MRPS28: variants seen among roughly 807,000 people sequenced by gnomAD.
The protein encoded by MRPS28 is small ribosomal subunit protein bS1m.
In MRPS28, 7 loss-of-function variants were observed where a neutral mutation model predicts 10.8. That is an observed-to-expected ratio of 0.65 (90% CI 0.37 to 1.22). The LOEUF (loss-of-function observed/expected upper bound fraction) is 1.22, where lower values mean the gene tolerates loss of function less well. Ranked by LOEUF, MRPS28 falls within the 50% of genes most tolerant of loss-of-function variation. The pLI is 0.02. For synonymous variants in MRPS28, 121 were observed against 93.3 expected, an observed-to-expected ratio of 1.30 and a Z score of -1.71; for missense variants, 265 against 232.9, an observed-to-expected ratio of 1.14 and a Z score of -0.90.
chr8:79,976,550 C>CA (rs767687416), intron 2 of MRPS28, among the ~76,000 whole-genome samples: 11 of 151,826 alleles, frequency 7.2e-5, no homozygotes, highest in Middle Eastern at 3.2e-3. Context: ...ACTAAAAATA[C>CA]AAAAAATTAG....
At chr8:79,960,865 G>A (rs1037471085) in intron 2 of MRPS28, among the ~76,000 whole-genome samples, 1 of 152,004 alleles carries the variant, frequency 6.6e-6, no homozygotes, top group Non-Finnish European at 1.5e-5. Flanking sequence ...TTAAGATTTA[G>A]GTGCTTTATC....
intron 2 of MRPS28, among the ~76,000 whole-genome samples, chr8:79,985,741 C>A (rs1229682257): frequency 6.6e-6 from 1 of 152,236 alleles, no homozygotes; most frequent in Non-Finnish European, 1.5e-5. Context: ...AGTTGACTCT[C>A]TGAATAGACC....
intron 1 of MRPS28, among the ~76,000 whole-genome samples, chr8:80,013,359 G>A (rs1687224658): frequency 6.6e-6 from 1 of 151,978 alleles, no homozygotes; most frequent in African/African-American, 2.4e-5. Flanking sequence ...AAAACAGCTG[G>A]GTGCAGTGGC....
intron 2 of MRPS28, among the ~76,000 whole-genome samples, chr8:79,979,010 T>C (rs991800682): frequency 5.9e-5 from 9 of 152,328 alleles, no homozygotes; most frequent in Non-Finnish European, 1.0e-4. Context: ...TGTGTTGTTT[T>C]GTATCTTTAG....
At chr8:79,996,448 C>A in intron 2 of MRPS28, among the ~76,000 whole-genome samples, 1 of 152,190 alleles carries the variant, frequency 6.6e-6, no homozygotes, top group Non-Finnish European at 1.5e-5. Context: ...AAACTTCTTT[C>A]TCATAGTTCT....
chr8:80,004,867 A>G (rs560380704), intron 1 of MRPS28, among the ~76,000 whole-genome samples: 1 of 152,366 alleles, frequency 6.6e-6, no homozygotes, highest in South Asian at 2.1e-4. Flanking sequence ...GATTCGATCA[A>G]CCGGAAGAAA....
chr8:79,939,713 G>A (rs894860559), intron 2 of MRPS28, among the ~76,000 whole-genome samples: 6 of 152,108 alleles, frequency 3.9e-5, no homozygotes, highest in African/African-American at 1.4e-4. Flanking sequence ...GCTCACACCT[G>A]TAATCCCAGC....
chr8:80,015,468 C>T (rs1809170021), intron 1 of MRPS28, among the ~76,000 whole-genome samples: 2 of 152,282 alleles, frequency 1.3e-5, no homozygotes, highest in Admixed American at 6.5e-5. Context: ...GAGGGAAACA[C>T]TGAGAAGCAA....
At chr8:79,996,058 A>G (rs369524872) in intron 2 of MRPS28, among the ~76,000 whole-genome samples, 2 of 152,196 alleles carry the variant, frequency 1.3e-5, no homozygotes, top group Admixed American at 1.3e-4. Flanking sequence ...TGGGTCATCA[A>G]AAGCAAAAAC....
chr8:79,955,308 C>T (rs898120185), intron 2 of MRPS28, among the ~76,000 whole-genome samples: 5 of 152,230 alleles, frequency 3.3e-5, no homozygotes, highest in Middle Eastern at 6.8e-3. Flanking sequence ...TTTAACTTCT[C>T]GAATTTTAGG....
intron 2 of MRPS28, among the ~76,000 whole-genome samples, chr8:79,963,624 C>T (rs1181555338): frequency 6.6e-6 from 1 of 152,134 alleles, no homozygotes; most frequent in Non-Finnish European, 1.5e-5. Context: ...TAGGCCTTGC[C>T]TCAAACAGCA....
intron 1 of MRPS28, among the ~76,000 whole-genome samples, chr8:80,017,508 G>T (rs1809227217): frequency 6.6e-6 from 1 of 152,102 alleles, no homozygotes; most frequent in African/African-American, 2.4e-5. Flanking sequence ...TAAATTAAAT[G>T]GATTAATTCC....
At chr8:79,942,309 G>A (rs2129936291) in intron 2 of MRPS28, among the ~76,000 whole-genome samples, 1 of 152,142 alleles carries the variant, frequency 6.6e-6, no homozygotes, top group African/African-American at 2.4e-5. Flanking sequence ...AGTACTTTGG[G>A]GTGAAAATAA....
chr8:79,928,414 T>C (rs983856005), intron 2 of MRPS28, among the ~76,000 whole-genome samples: 1 of 152,010 alleles, frequency 6.6e-6, no homozygotes, highest in East Asian at 1.9e-4. Context: ...TGTTTGATAT[T>C]TGCCCTTTGC....
chr8:79,929,351 C>T (rs1806397980), intron 2 of MRPS28, among the ~76,000 whole-genome samples: 1 of 152,116 alleles, frequency 6.6e-6, no homozygotes, highest in Non-Finnish European at 1.5e-5. Flanking sequence ...ATCTCAATCT[C>T]CTTTCACTTT....
At chr8:80,026,200 T>A (rs1809490152) in intron 1 of MRPS28, among the ~76,000 whole-genome samples, 1 of 152,206 alleles carries the variant, frequency 6.6e-6, no homozygotes, top group East Asian at 1.9e-4. Flanking sequence ...GTCCAGTAAG[T>A]TCAAAAGAGG....
intron 1 of MRPS28, among the ~76,000 whole-genome samples, chr8:80,024,245 T>C (rs1183830872): frequency 6.6e-6 from 1 of 151,656 alleles, no homozygotes; most frequent in Non-Finnish European, 1.5e-5. Flanking sequence ...AAAAAAAGAT[T>C]TGGTTGCTAC....
chr8:79,987,847 T>C (rs1168134488), intron 2 of MRPS28, among the ~76,000 whole-genome samples: 1 of 152,188 alleles, frequency 6.6e-6, no homozygotes, highest in African/African-American at 2.4e-5. Flanking sequence ...GTTTAACCAT[T>C]GTGGAAGTCA....
chr8:80,001,256 T>C (rs1344695032), intron 2 of MRPS28, among the ~76,000 whole-genome samples: 1 of 152,204 alleles, frequency 6.6e-6, no homozygotes, highest in East Asian at 1.9e-4. Context: ...TTTCTTTGTG[T>C]AAAATAAAAG....
Sources: gnomAD v4.1 joint callset for allele counts (sites outside exome capture counted in the v4.1 genomes callset) on GRCh38, gnomAD v4.1.1 for gene constraint, MANE v1.5 for transcripts, NCBI Gene and HGNC (gene_info 2026-07-23, HGNC 2026-07-21) for gene names.